Variants in JAZF1 observed in about 807,000 individuals in gnomAD.
The protein encoded by JAZF1 is juxtaposed with another zinc finger protein 1.
A neutral mutation model predicts 26.4 loss-of-function variants in JAZF1; 8 were observed. The observed-to-expected ratio is 0.30, with a 90% CI of 0.18 to 0.55. The LOEUF (loss-of-function observed/expected upper bound fraction) is 0.55. JAZF1 is among the 20% of genes least tolerant of loss of function. The probability of loss-of-function intolerance (pLI) is 0.94; values close to 1 mark genes in which losing one functional copy is unlikely to be tolerated. For synonymous variants in JAZF1, 126 were observed against 122.3 expected (o/e 1.03, Z -0.20); for missense variants, 199 against 322.0 (o/e 0.62, Z 2.92).
At chr7:27,838,795 C>T (rs1296628915) in intron 4 of JAZF1, among the ~76,000 whole-genome samples, 2 of 152,192 alleles carry the variant, frequency 1.3e-5, no homozygotes, top group Non-Finnish European at 2.9e-5. Context: ...CCTGCTATGG[C>T]CCTGTGTATC....
chr7:27,892,609 T>C (rs771601943), intron 3 of JAZF1, among the ~76,000 whole-genome samples: 3 of 152,202 alleles, frequency 2.0e-5, no homozygotes, highest in Non-Finnish European at 4.4e-5. Flanking sequence ...ATAAGTATCA[T>C]AGCAATACCC....
chr7:28,142,604 G>C (rs1441221296), intron 1 of JAZF1, among the ~76,000 whole-genome samples: 3 of 152,162 alleles, frequency 2.0e-5, no homozygotes, highest in African/African-American at 7.2e-5. Flanking sequence ...CCAGCACAAA[G>C]GACGCTGCAG....
chr7:28,101,576 T>TAA (rs56321937), intron 1 of JAZF1, among the ~76,000 whole-genome samples: 6,262 of 97,868 alleles, frequency 0.064, 786 homozygotes, highest in African/African-American at 0.13. Flanking sequence ...ATTTCTATAT[T>TAA]AAAAAAAAAA....
rs1296103988 is a variant in JAZF1 at position 28,168,242 on chromosome 7, C to T, written c.115+12221G>A. Among the ~76,000 whole-genome samples, 5 of 151,826 alleles carry T rather than the reference C, an allele frequency of 3.3e-5. No homozygotes were observed. In the South Asian group the frequency reaches 8.3e-4, roughly 25 times the overall value. Reference sequence around the variant, plus strand: ...CTAAAAATACAAAAAATTAGCCGGGCGTGGCAGCAGGCGCCTGTAGTCCCA... The same window carrying T: ...CTAAAAATACAAAAAATTAGCCGGGTGTGGCAGCAGGCGCCTGTAGTCCCA... On this transcript the variant is annotated intron_variant, in intron 1 of 4. Coordinates refer to ENST00000283928, the MANE Select transcript of JAZF1 (RefSeq NM_175061.4).
At chr7:27,833,501 C>T (rs1331624212) in intron 4 of JAZF1, among the ~76,000 whole-genome samples, 1 of 152,166 alleles carries the variant, frequency 6.6e-6, no homozygotes, top group Non-Finnish European at 1.5e-5. Flanking sequence ...GAGTTTTTGT[C>T]AGTTTTCTGC....
chr7:27,918,324 C>T (rs539550125), intron 2 of JAZF1, among the ~76,000 whole-genome samples: 1 of 152,172 alleles, frequency 6.6e-6, no homozygotes, highest in Non-Finnish European at 1.5e-5. Flanking sequence ...GCTTGAGTTA[C>T]ATCTTCATCA....
intron 2 of JAZF1, among the ~76,000 whole-genome samples, chr7:27,958,922 C>T (rs866698100): frequency 3.6e-4 from 55 of 151,994 alleles, no homozygotes; most frequent in Admixed American, 2.5e-3. Context: ...GTACTAATAG[C>T]GGTAATTGGT....
In JAZF1 at chr7:27,840,393, C is replaced by T. The variant is rs1782899800; in HGVS notation, c.555+305G>A. Among the ~76,000 whole-genome samples the T allele has an allele frequency of 6.6e-6, 1 of 152,212 alleles. No individual in the cohort carries two copies. The highest frequency in any genetic ancestry group is 2.4e-5 in the African/African-American group (1 of 41,438). ...TTTGATATTCTGTTCTGATGGGTCC[C>T]CCAATATGACATGAATTTGAAGACT... is the stretch of plus-strand genomic sequence containing the variant. On this transcript the variant is annotated intron_variant, in intron 4 of 4. Transcript: ENST00000283928. This position sits in a 1 kb window ranked among gnomAD's most constrained non-coding sequence, Gnocchi z 5.1.
chr7:27,862,132 T>C (rs1029331136), intron 3 of JAZF1, among the ~76,000 whole-genome samples: 1 of 152,256 alleles, frequency 6.6e-6, no homozygotes, highest in Admixed American at 6.5e-5. Flanking sequence ...GACTTCAGCC[T>C]TATCTGTACT....
intron 1 of JAZF1, among the ~76,000 whole-genome samples, chr7:28,016,323 G>A (rs553424270): frequency 1.3e-5 from 2 of 152,292 alleles, no homozygotes; most frequent in East Asian, 3.9e-4. Flanking sequence ...TGGTGAAACC[G>A]ACAGAATGGG....
intron 1 of JAZF1, among the ~76,000 whole-genome samples, chr7:28,006,674 C>A (rs939163659): frequency 6.6e-6 from 1 of 152,130 alleles, no homozygotes; most frequent in African/African-American, 2.4e-5. Flanking sequence ...TCAGAAAAGG[C>A]CCAAATCACA....
At chr7:28,014,728 C>T (rs886297836) in intron 1 of JAZF1, among the ~76,000 whole-genome samples, 2 of 152,138 alleles carry the variant, frequency 1.3e-5, no homozygotes, top group African/African-American at 4.8e-5. Flanking sequence ...GTATATAGGT[C>T]CTAGACAGCA....
At chr7:27,900,291 G>A (rs576591836) in intron 2 of JAZF1, among the ~76,000 whole-genome samples, 21 of 152,160 alleles carry the variant, frequency 1.4e-4, no homozygotes, top group African/African-American at 3.9e-4. Flanking sequence ...ACTAAATGAC[G>A]TAAATAATTA....
At chr7:28,054,613 A>G (rs1783668344) in intron 1 of JAZF1, among the ~76,000 whole-genome samples, 1 of 152,072 alleles carries the variant, frequency 6.6e-6, no homozygotes, top group Admixed American at 6.6e-5. Context: ...CTACTTGTAA[A>G]TATTTCTGCC....
chr7:28,154,868 G>A (rs1783156915), intron 1 of JAZF1, among the ~76,000 whole-genome samples: 1 of 151,010 alleles, frequency 6.6e-6, no homozygotes, highest in South Asian at 2.1e-4. Context: ...AGGAAAAAAT[G>A]GCCTTTTCTC....
At chr7:27,858,517 C>A (rs540979192) in intron 3 of JAZF1, among the ~76,000 whole-genome samples, 1 of 152,146 alleles carries the variant, frequency 6.6e-6, no homozygotes, top group Non-Finnish European at 1.5e-5. Context: ...CAGCATGGTA[C>A]GGATGCCAAA....
chr7:27,843,215 C>T (rs1231975109), intron 3 of JAZF1: 2 of 152,292 alleles, frequency 1.3e-5, no homozygotes, highest in Non-Finnish European at 2.9e-5. Context: ...TGAAACTAGT[C>T]ATCTCCCTCG....
rs141750424 is a variant in JAZF1, at chr7:27,955,425, A to C, written c.188+36484T>G. Among the ~76,000 whole-genome samples the C allele has an allele frequency of 4.6e-5, 7 of 152,302 alleles. No individual in the cohort carries two copies. In the East Asian group the frequency reaches 1.3e-3, roughly 29 times the overall value. On this transcript the variant is annotated intron_variant, in intron 2 of 4. Coordinates refer to ENST00000283928, the MANE Select transcript of JAZF1 (RefSeq NM_175061.4). ...TTTCCCTTAAACACTTACCGTACTG[A>C]AGGACTTTTAATTAGCTTTCTAGCG...
At chr7:27,878,192 G>T (rs1486857327) in intron 3 of JAZF1, among the ~76,000 whole-genome samples, 19 of 152,108 alleles carry the variant, frequency 1.2e-4, no homozygotes, top group Admixed American at 1.2e-3. Context: ...GTGACTGAGA[G>T]GAATAAGCAC....
Sources: gnomAD v4.1 joint callset for allele counts (sites outside exome capture counted in the v4.1 genomes callset) on GRCh38, gnomAD v4.1.1 for gene constraint, Gnocchi (gnomAD v3.1) non-coding constraint, MANE v1.5 for transcripts, NCBI Gene and HGNC (gene_info 2026-07-23, HGNC 2026-07-21) for gene names.